The following RAB3GAP2 variants were observed in gnomAD, a reference collection of about 807,000 sequenced individuals.
The protein encoded by RAB3GAP2 is rab3 GTPase-activating protein non-catalytic subunit.
A neutral mutation model predicts 185.3 loss-of-function variants in RAB3GAP2; 87 were observed. The observed-to-expected ratio is 0.47, with a 90% CI of 0.39 to 0.56. The LOEUF (loss-of-function observed/expected upper bound fraction) is 0.56, where lower values mean the gene tolerates loss of function less well. Among genes scored for constraint, RAB3GAP2 ranks in the 20% least tolerant of loss-of-function variants. RAB3GAP2 has a pLI of 0.00. For synonymous variants in RAB3GAP2, 554 were observed against 576.1 expected, an observed-to-expected ratio of 0.96 and a Z score of 0.55; for missense variants, 1,492 against 1,638.2, an observed-to-expected ratio of 0.91 and a Z score of 1.54.
chr1:220,272,075 T>A, intron 1 of RAB3GAP2, 148 bp downstream of exon 1: 1 of 724,468 alleles, frequency 1.4e-6, no homozygotes, highest in Non-Finnish European at 2.5e-6. Flanking sequence ...GTGGGCAGGG[T>A]GTCATCCCGG....
chr1:220,209,429 A>G (rs1659036892), intron 7 of RAB3GAP2, among the ~76,000 whole-genome samples: 1 of 152,106 alleles, frequency 6.6e-6, no homozygotes, highest in Non-Finnish European at 1.5e-5. Context: ...TAAATTCTAT[A>G]CCCATTATTC....
intron 1 of RAB3GAP2, chr1:220,267,429 C>T (rs1660248652): frequency 1.5e-6 from 2 of 1,352,616 alleles, no homozygotes; most frequent in Non-Finnish European, 2.1e-6. Flanking sequence ...CTTTAAATAA[C>T]ACCCTAAGAG....
chr1:220,252,150 A>T (rs1188746559), intron 1 of RAB3GAP2, among the ~76,000 whole-genome samples: 1 of 144,366 alleles, frequency 6.9e-6, no homozygotes, highest in African/African-American at 2.7e-5. Context: ...CTCTCAAAAA[A>T]AGAAAAAAAA....
At position 220,185,724 on chromosome 1, in the gene RAB3GAP2, CA is replaced by C; in HGVS notation, c.1796del (p.Leu599TrpfsTer18). 1 of 1,611,642 alleles carries C rather than the reference CA, an allele frequency of 6.2e-7. No individual in the cohort carries two copies. Among genetic ancestry groups the C allele is most frequent in the Non-Finnish European group, 8.5e-7 (1 of 1,178,196 alleles). On this transcript the variant is annotated frameshift_variant, in exon 18 of 35. Coordinates refer to ENST00000358951, the MANE Select transcript of RAB3GAP2 (RefSeq NM_012414.4). LOFTEE classifies it high-confidence loss of function. ...ATKKQALESI[L>X]ASERLPFSCL... ...AAGAAAATGGTAAACGTTCACTTGC[CA>C]AAATGCTTTCCAAAGCCTAGGAGAA...
intron 26 of RAB3GAP2, among the ~76,000 whole-genome samples, chr1:220,166,464 T>C (rs992184042): frequency 6.6e-5 from 10 of 152,348 alleles, no homozygotes; most frequent in African/African-American, 2.4e-4. Context: ...TATGTTTTTA[T>C]ATCTTATTTG....
intron 31 of RAB3GAP2, 116 bp downstream of exon 31, chr1:220,157,154 C>T: frequency 1.1e-6 from 1 of 910,308 alleles, no homozygotes; most frequent in South Asian, 1.4e-5. Context: ...GTTGGAACCT[C>T]ACACCAAATT....
intron 7 of RAB3GAP2, among the ~76,000 whole-genome samples, chr1:220,207,180 TAGTA>T (rs1258028447): frequency 2.6e-5 from 4 of 152,228 alleles, no homozygotes; most frequent in African/African-American, 4.8e-5. Flanking sequence ...CTTTTCATGT[TAGTA>T]AGATATTACT....
intron 12 of RAB3GAP2, 35 bp from the exon 13 acceptor site, chr1:220,193,414 C>T (rs1658662810): frequency 6.3e-7 from 1 of 1,598,956 alleles, no homozygotes; most frequent in Non-Finnish European, 8.5e-7. Context: ...GCTCAAATCA[C>T]ATTCCAGTTC....
At chr1:220,170,313 T>A (rs1249048358) in intron 24 of RAB3GAP2, among the ~76,000 whole-genome samples, 1 of 152,164 alleles carries the variant, frequency 6.6e-6, no homozygotes, top group Non-Finnish European at 1.5e-5. Flanking sequence ...AAATACCTAA[T>A]GTCGATGATG....
chr1:220,187,794 A>T (rs746799473), intron 17 of RAB3GAP2, among the ~76,000 whole-genome samples: 1 of 151,954 alleles, frequency 6.6e-6, no homozygotes, highest in Non-Finnish European at 1.5e-5. Context: ...AATATCCTTT[A>T]TAATAAATGG....
chr1:220,167,335 A>G lies in RAB3GAP2; in HGVS notation c.3045T>C (p.His1015=). The change falls in exon 26 of 35, where the codon CAT becomes CAC. Residue 1015 remains histidine, a synonymous_variant. Transcript: ENST00000358951. ...ACTGAACAACGTACTCCCAGCAGCA[A>G]TGTGCATGCAAGACATCGAGCTCAA... ...CSLELDVLHA[H]CCWEYVVQWN... The G allele has an allele frequency of 6.2e-7, 1 of 1,614,194 alleles. No individual in the cohort carries two copies. Among genetic ancestry groups the G allele is most frequent in the South Asian group, 1.1e-5 (1 of 91,088 alleles).
chr1:220,151,688 G>T lies in RAB3GAP2; in HGVS notation c.3944C>A (p.Ala1315Glu). 5 of 1,610,806 alleles carry T rather than the reference G, an allele frequency of 3.1e-6. No individual in the cohort carries two copies. The highest frequency in any genetic ancestry group is 4.2e-6 in the Non-Finnish European group (5 of 1,177,026). ...LVLTGQRLAH[A>E]LLHTQTKEGM... ...TTCTTTTGTCTGGGTGTGGAGAAGC[G>T]CATGAGCCAGCCTTTGCCCCGTGAG... The change falls in exon 34 of 35, where the codon GCG becomes GAG. Residue 1315 changes from alanine (A) to glutamate (E), a missense_variant. By Grantham distance (107) the Ala-to-Glu change is moderately radical. Transcript: ENST00000358951.
At chr1:220,250,775 CTGATGG>C (rs1659917665) in intron 1 of RAB3GAP2, among the ~76,000 whole-genome samples, 1 of 152,184 alleles carries the variant, frequency 6.6e-6, no homozygotes, top group Admixed American at 6.5e-5. Flanking sequence ...CTCACAAGAA[CTGATGG>C]TTTTATAAGG....
In RAB3GAP2 at chr1:220,206,038, AATAG is replaced by A. The variant is rs772299954; in HGVS notation, c.613-36_613-33del. ...AAGAAATAAAAAAAAAAAGTTCTTG[AATAG>A]ATAAATAAGCTTATCTACTTTTTAT... On this transcript the variant is annotated intron_variant, in intron 7 of 34. Transcript: ENST00000358951. The A allele has an allele frequency of 3.2e-5, 42 of 1,332,316 alleles. No homozygotes were observed. The South Asian group carries it at 5.2e-4, about 16-fold the overall frequency. The allele number at this position is 1,332,316 out of a possible 1,614,324, so 82.5% of individuals were successfully genotyped here. A position where few individuals can be genotyped will look rare whatever the true frequency, so the allele number is the denominator to read the frequency against.
intron 22 of RAB3GAP2, 87 bp from the exon 23 acceptor site, chr1:220,172,136 C>G (rs1167037196): frequency 1.5e-6 from 2 of 1,295,310 alleles, no homozygotes; most frequent in Non-Finnish European, 2.2e-6. Flanking sequence ...AATGTTAAAA[C>G]TAAGTTACCT....
chr1:220,153,541 A>G, intron 32 of RAB3GAP2, 135 bp from the exon 33 acceptor site: 1 of 763,814 alleles, frequency 1.3e-6, no homozygotes, highest in East Asian at 2.6e-5. Flanking sequence ...AAAAAGGAAC[A>G]CATCATTTAA....
intron 1 of RAB3GAP2, among the ~76,000 whole-genome samples, chr1:220,259,298 T>C (rs930210384): frequency 2.0e-5 from 3 of 151,976 alleles, no homozygotes; most frequent in South Asian, 4.2e-4. Flanking sequence ...AAAAAGAACA[T>C]AGCTGGAGGC....
chr1:220,211,052 C>T, intron 4 of RAB3GAP2, 50 bp from the exon 5 acceptor site: 1 of 1,535,316 alleles, frequency 6.5e-7, no homozygotes, highest in Non-Finnish European at 9.0e-7. Flanking sequence ...TTACCAATTA[C>T]TTTTATTTCT....
chr1:220,217,970 T>A (rs959454428), intron 2 of RAB3GAP2, among the ~76,000 whole-genome samples: 3 of 152,172 alleles, frequency 2.0e-5, no homozygotes, highest in Admixed American at 6.5e-5. Context: ...GAAGCAAACA[T>A]GAATTTTGTC....
Sources: gnomAD v4.1 joint callset for allele counts (sites outside exome capture counted in the v4.1 genomes callset) on GRCh38, gnomAD v4.1.1 for gene constraint, MANE v1.5 for transcripts, NCBI Gene and HGNC (gene_info 2026-07-23, HGNC 2026-07-21) for gene names.